Variants in SMARCA2 observed in about 807,000 individuals in gnomAD.
SMARCA2 encodes SWI/SNF related BAF chromatin remodeling complex subunit ATPase 2.
Under a neutral mutation model 199.8 loss-of-function variants are expected in SMARCA2, and 61 were observed. The ratio of observed to expected loss-of-function variants is 0.31; its 90% CI spans 0.25 to 0.38. SMARCA2 has a LOEUF of 0.38. Ranked by LOEUF, SMARCA2 falls within the 10% of genes least tolerant of loss-of-function variation. The pLI, the probability that SMARCA2 is intolerant of heterozygous loss-of-function variation, is 1.00. For missense variants in SMARCA2, 1,344 were observed against 2,012.2 expected (o/e 0.67, Z 6.35); for synonymous variants, 935 against 732.0 (o/e 1.28, Z -4.48).
intron 28 of SMARCA2, among the ~76,000 whole-genome samples, chr9:2,165,007 A>G (rs779786107): frequency 2.6e-5 from 4 of 152,210 alleles, no homozygotes; most frequent in Non-Finnish European, 5.9e-5. Flanking sequence ...AAATTAGGAG[A>G]GCCTTAATTA....
intron 27 of SMARCA2, among the ~76,000 whole-genome samples, chr9:2,134,718 A>G (rs1053247326): frequency 1.3e-5 from 2 of 152,120 alleles, no homozygotes; most frequent in Non-Finnish European, 2.9e-5. Context: ...CTAACCCCCA[A>G]TGTGATATTA....
At chr9:2,034,284 A>G (rs1487196563) in intron 3 of SMARCA2, among the ~76,000 whole-genome samples, 1 of 151,174 alleles carries the variant, frequency 6.6e-6, no homozygotes, top group Non-Finnish European at 1.5e-5. Flanking sequence ...AAAGTAAGGC[A>G]CATTCCCAGG....
chr9:2,021,624 A>C (rs1048808978), intron 1 of SMARCA2, among the ~76,000 whole-genome samples: 4 of 152,238 alleles, frequency 2.6e-5, no homozygotes, highest in Non-Finnish European at 5.9e-5. Flanking sequence ...TGGCTTTGCA[A>C]ATAGTCACAA....
chr9:2,068,527 C>T (rs535881736), intron 9 of SMARCA2, among the ~76,000 whole-genome samples: 3 of 152,198 alleles, frequency 2.0e-5, no homozygotes, highest in African/African-American at 4.8e-5. Context: ...TAAGTGTTTT[C>T]GTAAAAGCTA....
At chr9:2,136,664 T>G (rs952297330) in intron 27 of SMARCA2, among the ~76,000 whole-genome samples, 2 of 152,160 alleles carry the variant, frequency 1.3e-5, no homozygotes, top group African/African-American at 4.8e-5. Flanking sequence ...CAGACCCACC[T>G]TATTAGTGCA....
At chr9:2,027,225 T>C (rs1444651146) in intron 1 of SMARCA2, among the ~76,000 whole-genome samples, 1 of 152,128 alleles carries the variant, frequency 6.6e-6, no homozygotes, top group African/African-American at 2.4e-5. Flanking sequence ...GACGATCACT[T>C]GAGGCCAGGA....
intron 22 of SMARCA2, 103 bp downstream of exon 22, chr9:2,101,719 C>A: frequency 1.6e-6 from 1 of 611,148 alleles, no homozygotes; most frequent in Non-Finnish European, 2.9e-6. Flanking sequence ...TTACTTCCAG[C>A]CCTCTAAGGG....
In SMARCA2 at chr9:2,104,904, T is replaced by C. The variant is rs1474308731; in HGVS notation, c.3292+735T>C. Reference sequence around the variant, plus strand: ...GGGCATAAATATGGCATTCAAAGAGTGGTAAGTAGGAATAGAAGTTAATTT... The same window carrying C: ...GGGCATAAATATGGCATTCAAAGAGCGGTAAGTAGGAATAGAAGTTAATTT... On this transcript the variant is annotated intron_variant, in intron 23 of 33. Transcript: ENST00000349721. The surrounding 1 kb of genome is among the most constrained non-coding windows in gnomAD (Gnocchi z 4.0). Among the ~76,000 whole-genome samples, 2 of 151,714 alleles carry C rather than the reference T, an allele frequency of 1.3e-5. No homozygotes were observed. Among genetic ancestry groups the C allele is most frequent in the African/African-American group, 4.8e-5 (2 of 41,296 alleles).
chr9:2,069,906 A>G (rs887214123), intron 9 of SMARCA2, among the ~76,000 whole-genome samples: 2 of 152,120 alleles, frequency 1.3e-5, no homozygotes, highest in African/African-American at 4.8e-5. Context: ...ATCGTACCCA[A>G]TAATTAGTTT....
At chr9:2,171,474 C>G (rs1014005674) in intron 29 of SMARCA2, among the ~76,000 whole-genome samples, 1 of 152,152 alleles carries the variant, frequency 6.6e-6, no homozygotes, top group African/African-American at 2.4e-5. Flanking sequence ...TTATACTTAT[C>G]CATTTTTGTG....
At position 2,043,681 on chromosome 9, in the gene SMARCA2, G is replaced by A. The variant is rs544424745; in HGVS notation, c.791-3548G>A. ...TATTTGCATGAATGTCCTGTATGCC[G>A]GAAGACTAAGTGGGAGCACTGAATG... On this transcript the variant is annotated intron_variant, in intron 4 of 33. Transcript: ENST00000349721. 9.9e-5 allele frequency: 15 copies of A among 152,186 alleles called. No individual in the cohort carries two copies. In the South Asian group the frequency reaches 2.3e-3, roughly 23 times the overall value. 9.4% of individuals were successfully genotyped at this position (152,186 alleles called of 1,614,324 possible). A position where few individuals can be genotyped will look rare whatever the true frequency, so the allele number is the denominator to read the frequency against.
At chr9:2,057,257 C>A (rs559650608) in intron 7 of SMARCA2, among the ~76,000 whole-genome samples, 1 of 152,322 alleles carries the variant, frequency 6.6e-6, no homozygotes, top group African/African-American at 2.4e-5. Flanking sequence ...CTGTTAACTT[C>A]TCCTTGTTTT....
At position 2,056,310 on chromosome 9, in the gene SMARCA2, C is replaced by T. The variant is rs1820351433; in HGVS notation, c.1174-362C>T. The stretch of plus-strand genomic sequence containing the variant: ...AAACACAAAGAGAATGTTAACATGA[C>T]ACTTAAAACAAAGCGGAAAATTTAA... On this transcript the variant is annotated intron_variant, in intron 6 of 33. Coordinates refer to ENST00000349721, the MANE Select transcript of SMARCA2 (RefSeq NM_003070.5). This position sits in a 1 kb window ranked among gnomAD's most constrained non-coding sequence, Gnocchi z 4.0. Among the ~76,000 whole-genome samples the T allele has an allele frequency of 6.6e-6, 1 of 152,118 alleles. No individual in the cohort carries two copies. The highest frequency in any genetic ancestry group is 2.4e-5 in the African/African-American group (1 of 41,430).
chr9:2,068,896 T>G (rs1230998031), intron 9 of SMARCA2: 6 of 152,138 alleles, frequency 3.9e-5, no homozygotes, highest in African/African-American at 1.2e-4. Flanking sequence ...CTTTCTTGGA[T>G]ATGTACAAGA....
At chr9:2,055,638 A>G (rs929866615) in intron 6 of SMARCA2, 2 of 152,188 alleles carry the variant, frequency 1.3e-5, no homozygotes, top group African/African-American at 2.4e-5. Flanking sequence ...TTGGGTGTAT[A>G]TTTGCCTTAC....
intron 26 of SMARCA2, among the ~76,000 whole-genome samples, chr9:2,121,507 G>A (rs1823459294): frequency 6.6e-6 from 1 of 152,170 alleles, no homozygotes; most frequent in Non-Finnish European, 1.5e-5. Flanking sequence ...AATAAAATTT[G>A]AATCTCTGCC....
chr9:2,178,217 A>G (rs1440077916), intron 29 of SMARCA2, among the ~76,000 whole-genome samples: 1 of 152,116 alleles, frequency 6.6e-6, no homozygotes, highest in South Asian at 2.1e-4. Flanking sequence ...TTGTCCACCA[A>G]CACCTGTGAA....
rs59156319 is a variant in SMARCA2, at chr9:2,155,720, C to CTTT, written c.3982-5930_3982-5928dup. 4.2e-3 allele frequency among the ~76,000 whole-genome samples: 224 copies of CTTT among 53,182 alleles called. 43 individuals are homozygous for CTTT. The highest frequency in any genetic ancestry group is 6.1e-3 in the East Asian group (8 of 1,320). The allele number at this position is 53,182 out of a possible 152,430, so 34.9% of individuals were successfully genotyped here. A position where few individuals can be genotyped will look rare whatever the true frequency, so the allele number is the denominator to read the frequency against. On this transcript the variant is annotated intron_variant, in intron 27 of 33. Coordinates refer to ENST00000349721, the MANE Select transcript of SMARCA2 (RefSeq NM_003070.5). The stretch of plus-strand genomic sequence containing the variant: ...TATGGCATATGGGGAAAGAGAAAAC[C>CTTT]TTTTTTTTTTTTTTTTTTTTTTTTT...
chr9:2,157,993 A>G (rs1586767264), intron 27 of SMARCA2: 2 of 396,776 alleles, frequency 5.0e-6, no homozygotes, highest in Admixed American at 4.4e-5. Context: ...TAGAACAGCT[A>G]ATCCTGCATG....
Sources: gnomAD v4.1 joint callset for allele counts (sites outside exome capture counted in the v4.1 genomes callset) on GRCh38, gnomAD v4.1.1 for gene constraint, Gnocchi (gnomAD v3.1) non-coding constraint, MANE v1.5 for transcripts, NCBI Gene and HGNC (gene_info 2026-07-23, HGNC 2026-07-21) for gene names.